SULT6B1: variants seen among roughly 807,000 people sequenced by gnomAD.
SULT6B1 encodes sulfotransferase family 6B member 1, also known as sulfotransferase 6B1.
A neutral mutation model predicts 37.2 loss-of-function variants in SULT6B1; 44 were observed. The ratio of observed to expected loss-of-function variants is 1.18; its 90% CI spans 0.93 to 1.52. SULT6B1 has a LOEUF of 1.52. Ranked by LOEUF, SULT6B1 falls within the 40% of genes most tolerant of loss-of-function variation. The pLI is 0.00. For synonymous variants in SULT6B1, 140 were observed against 126.0 expected (o/e 1.11, Z -0.74); for missense variants, 450 against 361.0 (o/e 1.25, Z -2.00).
Position 37,167,911 on chromosome 2 carries a change from C to G in SULT6B1, c.*24G>C. The G allele has an allele frequency of 6.5e-7, 1 of 1,537,194 alleles. No individual in the cohort carries two copies. The highest frequency in any genetic ancestry group is 1.3e-5 in the South Asian group (1 of 76,102). Reference sequence around the variant, plus strand: ...TTAATTATTATTAAGGAAAATAAATCTAGGCCTGCTGAATTGACTGGAATC... The same window carrying G: ...TTAATTATTATTAAGGAAAATAAATGTAGGCCTGCTGAATTGACTGGAATC... On this transcript the variant is annotated 3_prime_UTR_variant, in exon 7 of 7. Transcript: ENST00000535679.
rs1469093501 is a variant in SULT6B1, at chr2:37,188,515, T to C, written c.126A>G (p.Ser42=). 2 of 1,614,080 alleles carry C rather than the reference T, an allele frequency of 1.2e-6. No individual in the cohort carries two copies. The highest frequency in any genetic ancestry group is 2.7e-5 in the African/African-American group (2 of 74,934). ...GIPYPITMCT[S]ETFQALDTFE... ...AGGTGTCCAGCGCTTGGAAAGTTTC[T>C]GAGGTGCACATGGTGATGGGGTAAG... The change falls in exon 1 of 7, where the codon TCA becomes TCG. Residue 42 remains serine, a synonymous_variant. Coordinates refer to ENST00000535679, the MANE Select transcript of SULT6B1 (RefSeq NM_001367551.1).
At chr2:37,174,968 A>T (rs1676381908) in intron 5 of SULT6B1, among the ~76,000 whole-genome samples, 164 bp downstream of exon 5, 1 of 152,246 alleles carries the variant, frequency 6.6e-6, no homozygotes, top group Non-Finnish European at 1.5e-5. Flanking sequence ...CAACCTAAGC[A>T]TGTATGCATG....
intron 3 of SULT6B1, among the ~76,000 whole-genome samples, chr2:37,181,325 T>C (rs1013496564): frequency 5.9e-5 from 9 of 152,238 alleles, no homozygotes; most frequent in African/African-American, 2.2e-4. Flanking sequence ...TGAGGGCTAA[T>C]TGGCTGGAGT....
At chr2:37,178,953 TTTTGTTTG>T (rs5830459) in intron 4 of SULT6B1, among the ~76,000 whole-genome samples, 1 of 151,106 alleles carries the variant, frequency 6.6e-6, no homozygotes, top group Non-Finnish European at 1.5e-5. Flanking sequence ...CAAATTAGTT[TTTTGTTTG>T]TTTGTTTGTT....
At position 37,171,511 on chromosome 2, in the gene SULT6B1, A is replaced by G. The variant is rs891482241; in HGVS notation, c.704T>C (p.Val235Ala). 25 of 1,614,158 alleles carry G rather than the reference A, an allele frequency of 1.5e-5. No homozygotes were observed. In the African/African-American group the frequency reaches 2.4e-4, roughly 15 times the overall value. Residue 235 changes from valine to alanine, a missense_variant, in exon 6 of 7, where the codon GTC becomes GCC. Val to Ala is a moderately conservative substitution (Grantham distance 64, BLOSUM62 0). Coordinates refer to ENST00000535679, the MANE Select transcript of SULT6B1 (RefSeq NM_001367551.1). ...LTGEQIQTISVQSTFQAMRAK... is the reference protein window; with the variant it reads ...LTGEQIQTISAQSTFQAMRAK... Reference sequence around the variant, plus strand: ...ACGCATGGCTTGGAAGGTGCTCTGGACTGAGATAGTTTGAATTTGCTCCCC... The same window carrying G: ...ACGCATGGCTTGGAAGGTGCTCTGGGCTGAGATAGTTTGAATTTGCTCCCC...
At chr2:37,181,333 A>G (rs945379787) in intron 3 of SULT6B1, among the ~76,000 whole-genome samples, 2 of 152,190 alleles carry the variant, frequency 1.3e-5, no homozygotes, top group African/African-American at 4.8e-5. Context: ...AATTGGCTGG[A>G]GTATGAACAA....
intron 4 of SULT6B1, among the ~76,000 whole-genome samples, chr2:37,178,380 C>T (rs1676476164): frequency 6.6e-6 from 1 of 152,096 alleles, no homozygotes; most frequent in Non-Finnish European, 1.5e-5. Flanking sequence ...GGATTACAGG[C>T]ATGCAACACC....
intron 3 of SULT6B1, among the ~76,000 whole-genome samples, chr2:37,180,041 C>T (rs1375692796): frequency 1.3e-5 from 2 of 152,202 alleles, no homozygotes; most frequent in South Asian, 2.1e-4. Flanking sequence ...TGACACAGAA[C>T]GTCTGAATTC....
chr2:37,175,323 T>C (rs1379529202), intron 4 of SULT6B1, 97 bp from the exon 5 acceptor site: 11 of 524,936 alleles, frequency 2.1e-5, no homozygotes, highest in Non-Finnish European at 3.5e-5. Flanking sequence ...TACATATGTG[T>C]ATATGCTCGA....
At chr2:37,174,927 G>C (rs1284823881) in intron 5 of SULT6B1, among the ~76,000 whole-genome samples, 2 of 152,070 alleles carry the variant, frequency 1.3e-5, no homozygotes, top group Non-Finnish European at 2.9e-5. Flanking sequence ...GTAATAAGTT[G>C]CTAAGCGTTA....
At chr2:37,193,597 A>AAGAAGAAGAAG (rs1553345837), upstream of SULT6B1, among the ~76,000 whole-genome samples, 6 of 113,870 alleles carry the variant, frequency 5.3e-5, no homozygotes, top group Admixed American at 4.2e-4. Context: ...AGAAGAAGAA[A>AAGAAGAAGAAG]AAGAAGAAGA....
At chr2:37,175,362 C>G in intron 4 of SULT6B1, 136 bp from the exon 5 acceptor site, 1 of 418,308 alleles carries the variant, frequency 2.4e-6, no homozygotes. Flanking sequence ...TAAATCCCTG[C>G]CACCAAAAAG....
At chr2:37,193,642 G>GAAT (rs1237976626), upstream of SULT6B1, among the ~76,000 whole-genome samples, 114 of 150,544 alleles carry the variant, frequency 7.6e-4, no homozygotes, top group East Asian at 0.01. Flanking sequence ...AGAAGAAGAA[G>GAAT]AAGAAGAAGG....
chr2:37,187,175 T>A (rs1676691734), intron 2 of SULT6B1, among the ~76,000 whole-genome samples, 180 bp downstream of exon 2: 2 of 152,224 alleles, frequency 1.3e-5, no homozygotes, highest in African/African-American at 4.8e-5. Flanking sequence ...GAAATGGTAA[T>A]AAGGTTATTT....
At position 37,183,467 on chromosome 2, in the gene SULT6B1, G is replaced by A. The variant is rs981593507; in HGVS notation, c.360C>T (p.His120=). 2 of 1,614,030 alleles carry A rather than the reference G, an allele frequency of 1.2e-6. No homozygotes were observed. Among genetic ancestry groups the A allele is most frequent in the Non-Finnish European group, 1.7e-6 (2 of 1,179,992 alleles). The stretch of plus-strand genomic sequence containing the variant: ...AGATAGACCCAGGTAATTTGTCATA[G>A]TGGAGGTGAGTTGCCAAAATCCTTG... The part of the protein sequence containing the change: ...PSPRILATHL[H]YDKLPGSIFE... Residue 120 remains histidine, a synonymous_variant, in exon 3 of 7, where the codon CAC becomes CAT. Coordinates refer to ENST00000535679, the MANE Select transcript of SULT6B1 (RefSeq NM_001367551.1).
intron 5 of SULT6B1, 75 bp from the exon 6 acceptor site, chr2:37,171,665 C>A: frequency 6.9e-7 from 1 of 1,453,392 alleles, no homozygotes; most frequent in South Asian, 1.3e-5. Flanking sequence ...ACTTTTTAGT[C>A]ATCAGAGTTA....
intron 1 of SULT6B1, among the ~76,000 whole-genome samples, chr2:37,187,776 A>C (rs1676705820): frequency 6.6e-6 from 1 of 152,204 alleles, no homozygotes; most frequent in Admixed American, 6.5e-5. Flanking sequence ...AGTTTATTAT[A>C]AGTTGTATAT....
intron 2 of SULT6B1, among the ~76,000 whole-genome samples, chr2:37,184,586 T>G (rs1039419059): frequency 3.9e-5 from 6 of 152,196 alleles, no homozygotes; most frequent in African/African-American, 9.7e-5. Context: ...AAAAGGATAT[T>G]CAGATGTTTG....
At chr2:37,184,065 T>C (rs557364070) in intron 2 of SULT6B1, among the ~76,000 whole-genome samples, 1 of 152,354 alleles carries the variant, frequency 6.6e-6, no homozygotes, top group Admixed American at 6.5e-5. Context: ...TTCCCAATCA[T>C]TTTTGTAATT....
Sources: allele counts gnomAD v4.1 joint callset (sites outside exome capture counted in the v4.1 genomes callset), GRCh38; gene constraint gnomAD v4.1.1; transcripts MANE v1.5; gene names NCBI Gene and HGNC (gene_info 2026-07-23, HGNC 2026-07-21).